Variants in SLC9B1 observed in about 807,000 individuals in gnomAD.
SLC9B1 encodes sodium/hydrogen exchanger 9B1.
A neutral mutation model predicts 51.7 loss-of-function variants in SLC9B1; 32 were observed. The ratio of observed to expected loss-of-function variants is 0.62; its 90% CI spans 0.47 to 0.83. The LOEUF (loss-of-function observed/expected upper bound fraction) is 0.83. Among genes scored for constraint, SLC9B1 ranks in the 40% least tolerant of loss-of-function variants. The pLI, the probability that SLC9B1 is intolerant of heterozygous loss-of-function variation, is 0.00. For missense variants in SLC9B1, 406 were observed against 613.2 expected (o/e 0.66, Z 3.57); for synonymous variants, 145 against 212.7 (o/e 0.68, Z 2.77).
intron 11 of SLC9B1, among the ~76,000 whole-genome samples, chr4:102,903,858 A>G (rs1268762738): frequency 6.6e-6 from 1 of 152,206 alleles, no homozygotes; most frequent in African/African-American, 2.4e-5. Context: ...GGGAGAAATA[A>G]TGAAAAACAA....
intron 7 of SLC9B1, among the ~76,000 whole-genome samples, chr4:102,913,758 C>A (rs1338952854): frequency 2.0e-5 from 2 of 98,422 alleles, no homozygotes; most frequent in Admixed American, 1.1e-4. Context: ...GGAAATAATT[C>A]ATGAACAAAA....
rs61227731 is a variant in SLC9B1 at position 103,016,134 on chromosome 4, C to CAAAAAAAAAAAAAAAAAA, written c.-2+3447_-2+3464dup. Among the ~76,000 whole-genome samples, 48 of 49,592 alleles carry CAAAAAAAAAAAAAAAAAA rather than the reference C, an allele frequency of 9.7e-4. 3 individuals carry two copies. The highest frequency in any genetic ancestry group is 1.2e-3 in the Non-Finnish European group (34 of 28,872). 32.5% of individuals were successfully genotyped at this position (49,592 alleles called of 152,430 possible). A position where few individuals can be genotyped will look rare whatever the true frequency, so the allele number is the denominator to read the frequency against. On this transcript the variant is annotated intron_variant, in intron 1 of 11. Transcript: ENST00000296422. ...GGACAACAAGAGCCAAACTCTGTCT[C>CAAAAAAAAAAAAAAAAAA]AAAAAAAAAAAAAAAAAAAGGAAAG...
chr4:102,903,575 T>A (rs1734886443), intron 11 of SLC9B1, among the ~76,000 whole-genome samples: 1 of 152,288 alleles, frequency 6.6e-6, no homozygotes, highest in Non-Finnish European at 1.5e-5. Context: ...CCTATGAACC[T>A]GCTTTTCTAA....
At chr4:102,977,128 C>T (rs1739113176) in intron 3 of SLC9B1, among the ~76,000 whole-genome samples, 1 of 150,262 alleles carries the variant, frequency 6.7e-6, no homozygotes, top group African/African-American at 2.5e-5. Flanking sequence ...GCAGCCTGGG[C>T]AACAGAGTGA....
chr4:102,973,704 T>C (rs1324562075), intron 3 of SLC9B1, among the ~76,000 whole-genome samples: 2 of 152,106 alleles, frequency 1.3e-5, no homozygotes, highest in Non-Finnish European at 2.9e-5. Context: ...AAATGCAATT[T>C]ATAATAGAAA....
At chr4:102,990,110 A>T (rs911850022) in intron 2 of SLC9B1, among the ~76,000 whole-genome samples, 169 bp from the exon 3 acceptor site, 1 of 152,056 alleles carries the variant, frequency 6.6e-6, no homozygotes, top group Non-Finnish European at 1.5e-5. Flanking sequence ...TGGGGATGTA[A>T]CAGCAGTGTA....
intron 7 of SLC9B1, among the ~76,000 whole-genome samples, chr4:102,926,197 T>C (rs949698056): frequency 6.6e-6 from 1 of 152,278 alleles, no homozygotes; most frequent in Non-Finnish European, 1.5e-5. Context: ...AAGACAAGGA[T>C]GCCCTCTCTC....
downstream of SLC9B1, among the ~76,000 whole-genome samples, chr4:102,899,345 C>G (rs1734683067): frequency 6.7e-6 from 1 of 150,064 alleles, no homozygotes; most frequent in South Asian, 2.1e-4. Flanking sequence ...TTAAAATAAA[C>G]TTTCTACTTT....
At chr4:102,894,821 G>A (rs1409133573) in intron 11 of SLC9B1, among the ~76,000 whole-genome samples, 2 of 152,004 alleles carry the variant, frequency 1.3e-5, no homozygotes, top group Non-Finnish European at 2.9e-5. Context: ...TGGGCTTGGC[G>A]CATGCTTATA....
chr4:102,998,919 G>A (rs905705750), intron 1 of SLC9B1, among the ~76,000 whole-genome samples: 2 of 152,068 alleles, frequency 1.3e-5, no homozygotes, highest in African/African-American at 4.8e-5. Flanking sequence ...GGAGTGCAGT[G>A]GCACAAACAT....
At chr4:103,019,363 G>A (rs1422629254) in intron 1 of SLC9B1, among the ~76,000 whole-genome samples, 6 of 152,176 alleles carry the variant, frequency 3.9e-5, no homozygotes, top group Non-Finnish European at 8.8e-5. Flanking sequence ...AAAAACAGGA[G>A]GAAAAGAGAA....
chr4:102,944,897 G>A (rs927357069), intron 6 of SLC9B1, among the ~76,000 whole-genome samples: 1 of 152,000 alleles, frequency 6.6e-6, no homozygotes, highest in African/African-American at 2.4e-5. Context: ...CAGCTATGAG[G>A]AAGAGGCCAT....
At chr4:102,904,507 A>G (rs1166424403) in intron 11 of SLC9B1, among the ~76,000 whole-genome samples, 1 of 152,212 alleles carries the variant, frequency 6.6e-6, no homozygotes, top group Admixed American at 6.5e-5. Flanking sequence ...TTGAAAGAAT[A>G]CTTTTTAATT....
rs72663177 is a variant in SLC9B1, at chr4:102,914,190, C to T, written c.830-2653G>A. Among the ~76,000 whole-genome samples the T allele has an allele frequency of 4.5e-3, 635 of 141,750 alleles. 1 individual carries two copies. Among genetic ancestry groups the T allele is most frequent in the Non-Finnish European group, 7.1e-3 (469 of 65,992 alleles). 93.0% of individuals were successfully genotyped at this position (141,750 alleles called of 152,430 possible). ...TGTCTTCTGTTTGTGGGTGGGATGG[C>T]AGAACTAGTTGAGCCATTATTACCA... On this transcript the variant is annotated intron_variant, in intron 7 of 11. Transcript: ENST00000296422.
intron 7 of SLC9B1, among the ~76,000 whole-genome samples, chr4:102,926,769 C>CA (rs1464813639): frequency 6.6e-6 from 1 of 152,020 alleles, no homozygotes; most frequent in Non-Finnish European, 1.5e-5. Flanking sequence ...CATATGGAAC[C>CA]AAAAAAGAGC....
At chr4:102,975,287 G>A (rs924288752) in intron 3 of SLC9B1, among the ~76,000 whole-genome samples, 1 of 152,116 alleles carries the variant, frequency 6.6e-6, no homozygotes, top group Non-Finnish European at 1.5e-5. Flanking sequence ...GGGATTACAG[G>A]CATCAGCCAC....
At chr4:102,951,265 AG>A (rs1737539063) in intron 3 of SLC9B1, among the ~76,000 whole-genome samples, 1 of 152,208 alleles carries the variant, frequency 6.6e-6, no homozygotes, top group Non-Finnish European at 1.5e-5. Flanking sequence ...GAACACACTT[AG>A]TAGATGCTAA....
At chr4:102,891,638 T>C (rs1734254240) in intron 11 of SLC9B1, 1 of 152,238 alleles carries the variant, frequency 6.6e-6, no homozygotes, top group South Asian at 2.1e-4. Flanking sequence ...TATATTGACT[T>C]ACTCGATGAT....
intron 9 of SLC9B1, among the ~76,000 whole-genome samples, chr4:102,909,828 T>C (rs1735252261): frequency 1.5e-5 from 2 of 129,940 alleles, no homozygotes; most frequent in African/African-American, 2.8e-5. Flanking sequence ...GTTTATTATT[T>C]ATTTATTTTT....
Sources: gnomAD v4.1 joint callset for allele counts (sites outside exome capture counted in the v4.1 genomes callset) on GRCh38, gnomAD v4.1.1 for gene constraint, MANE v1.5 for transcripts, NCBI Gene and HGNC (gene_info 2026-07-23, HGNC 2026-07-21) for gene names.